The following AP3B2 variants were observed in gnomAD, a reference collection of about 807,000 sequenced individuals.
AP3B2 encodes the protein adaptor related protein complex 3 subunit beta 2, also known as AP-3 complex subunit beta-2.
In AP3B2, 50 loss-of-function variants were observed where a neutral mutation model predicts 126.9. That is an observed-to-expected ratio of 0.39 (90% CI 0.31 to 0.50). The LOEUF (loss-of-function observed/expected upper bound fraction) is 0.50, where lower values mean the gene tolerates loss of function less well. Among genes scored for constraint, AP3B2 ranks in the 20% least tolerant of loss-of-function variants. The pLI is 0.79. For synonymous variants in AP3B2, 541 were observed against 565.0 expected (o/e 0.96, Z 0.60); for missense variants, 1,177 against 1,426.4 (o/e 0.83, Z 2.82).
In AP3B2 at chr15:82,689,702, G is replaced by A. The variant is rs138112885; in HGVS notation, c.114-249C>T. 5.1e-4 allele frequency: 263 copies of A among 518,588 alleles called. 2 individuals are homozygous for A. In the East Asian group the frequency reaches 7.7e-3, roughly 15 times the overall value. The allele number at this position is 518,588 out of a possible 1,614,324, so 32.1% of individuals were successfully genotyped here. A position where few individuals can be genotyped will look rare whatever the true frequency, so the allele number is the denominator to read the frequency against. On this transcript the variant is annotated intron_variant, in intron 1 of 26. Transcript: ENST00000535359. ...TTAAGTCTTAACCCCTAGTACCTCA[G>A]AATGTAACCTTATTTGGAAATAGAG...
intron 4 of AP3B2, chr15:82,685,686 T>A (rs554108234): frequency 6.6e-6 from 1 of 152,304 alleles, no homozygotes; most frequent in Admixed American, 6.5e-5. Context: ...TCAAAAAAAA[T>A]GTGTTTTCCT....
At chr15:82,661,431 C>G (rs11630643) in intron 25 of AP3B2, among the ~76,000 whole-genome samples, 3,280 of 152,328 alleles carry the variant, frequency 0.022, 61 homozygotes, top group Non-Finnish European at 0.035. Flanking sequence ...CCAAATCCAG[C>G]CCACCACCTA....
At chr15:82,668,124 A>G (rs1232693586) in intron 14 of AP3B2, among the ~76,000 whole-genome samples, 1 of 152,246 alleles carries the variant, frequency 6.6e-6, no homozygotes, top group Non-Finnish European at 1.5e-5. Context: ...AAAGCCCCTC[A>G]GATGCTGACC....
intron 1 of AP3B2, chr15:82,699,869 G>A (rs1469870332): frequency 1.5e-5 from 6 of 399,638 alleles, no homozygotes; most frequent in South Asian, 1.3e-4. Flanking sequence ...TGCAGGAATC[G>A]CTGCATCAGG....
At chr15:82,675,169 T>C (rs115050135) in intron 14 of AP3B2, among the ~76,000 whole-genome samples, 2 of 152,294 alleles carry the variant, frequency 1.3e-5, no homozygotes, top group African/African-American at 4.8e-5. Context: ...CTCTAACTTC[T>C]CTCTCTCCAA....
Position 82,670,112 on chromosome 15 carries a change from T to TGGGG in AP3B2, c.1666-3180_1666-3179insCCCC, listed in dbSNP as rs1465209530. On this transcript the variant is annotated intron_variant, in intron 14 of 26. Coordinates refer to ENST00000535359, the MANE Select transcript of AP3B2 (RefSeq NM_001278512.2). ...AAAAAATCAGTGGCTTTTTTTTTTT[T>TGGGG]GGCGGGGGGGGACGAAGATGAAGTC... 2.1e-3 allele frequency among the ~76,000 whole-genome samples: 147 copies of TGGGG among 68,712 alleles called. 10 individuals are homozygous for TGGGG. The highest frequency in any genetic ancestry group is 2.9e-3 in the Non-Finnish European group (97 of 33,346). 45.1% of individuals were successfully genotyped at this position (68,712 alleles called of 152,430 possible).
At chr15:82,704,388 A>T in intron 1 of AP3B2, among the ~76,000 whole-genome samples, 1 of 152,190 alleles carries the variant, frequency 6.6e-6, no homozygotes, top group Admixed American at 6.5e-5. Context: ...CCAAGTAGCA[A>T]TGTATTTCTG....
intron 23 of AP3B2, 168 bp downstream of exon 23, chr15:82,662,526 C>T (rs2047969435): frequency 2.7e-6 from 2 of 747,324 alleles, no homozygotes; most frequent in Non-Finnish European, 4.3e-6. Flanking sequence ...TGTGAACTTG[C>T]TTATTTCATC....
At position 82,664,906 on chromosome 15, in the gene AP3B2, C is replaced by G. The variant is rs778950470; in HGVS notation, c.2066G>C (p.Arg689Thr). ...GTAGAAGGGTTTTTCCTTCTCCTTT[C>G]TCTTCTCCCGATTTGAGCACTTGGT... ...EWTKCSNREK[R>T]KEKEKPFYSD... The change falls in exon 18 of 27, where the codon AGA becomes ACA. Residue 689 changes from arginine to threonine, a missense_variant. This residue lies in a region of AP3B2 where 587 missense variants were observed against 571.3 expected (regional missense o/e 1.03). Transcript: ENST00000535359. The surrounding 1 kb of genome is among the most constrained non-coding windows in gnomAD (Gnocchi z 4.5). The G allele has an allele frequency of 3.1e-6, 5 of 1,609,002 alleles. No individual in the cohort carries two copies. Among genetic ancestry groups the G allele is most frequent in the Non-Finnish European group, 4.2e-6 (5 of 1,177,806 alleles).
In AP3B2 at chr15:82,703,017, C is replaced by T. The variant is rs866594118; in HGVS notation, c.113+6577G>A. Among the ~76,000 whole-genome samples, 34 of 152,294 alleles carry T rather than the reference C, an allele frequency of 2.2e-4. No individual in the cohort carries two copies. The Middle Eastern group carries it at 0.01, about 46-fold the overall frequency. ...TCTTGGTGCCATCTTTCAATCTCTCCCTTCTCTTAATTTCGGTTCCTTTCC... is the reference window on the plus strand; with the variant it reads ...TCTTGGTGCCATCTTTCAATCTCTCTCTTCTCTTAATTTCGGTTCCTTTCC... On this transcript the variant is annotated intron_variant, in intron 1 of 26. Transcript: ENST00000535359.
chr15:82,674,916 G>A (rs2048219357), intron 14 of AP3B2, among the ~76,000 whole-genome samples: 1 of 151,900 alleles, frequency 6.6e-6, no homozygotes, highest in African/African-American at 2.4e-5. Context: ...CATGTGGACA[G>A]GCCCAGGCTT....
At position 82,666,231 on chromosome 15, in the gene AP3B2, G is replaced by A. The variant is rs1049873831; in HGVS notation, c.1852+516C>T. Among the ~76,000 whole-genome samples, 27 of 152,328 alleles carry A rather than the reference G, an allele frequency of 1.8e-4. 1 individual carries two copies. The highest frequency in any genetic ancestry group is 1.4e-3 in the East Asian group (7 of 5,182). Reference sequence around the variant, plus strand: ...TCCCTCCCAGGCCCATCTCAAGGCCGTTGTCTTGGGAAAAGAGGCCTTAAG... The same window carrying A: ...TCCCTCCCAGGCCCATCTCAAGGCCATTGTCTTGGGAAAAGAGGCCTTAAG... On this transcript the variant is annotated intron_variant, in intron 15 of 26. Coordinates refer to ENST00000535359, the MANE Select transcript of AP3B2 (RefSeq NM_001278512.2).
intron 11 of AP3B2, 77 bp downstream of exon 11, chr15:82,678,027 GA>G (rs2048273184): frequency 6.6e-7 from 1 of 1,519,498 alleles, no homozygotes; most frequent in South Asian, 1.2e-5. Context: ...GGGCTCATAA[GA>G]GGAGGTTTAC....
chr15:82,692,374 C>T lies in AP3B2; in HGVS notation c.114-2921G>A, dbSNP rs1303329435. The T allele has an allele frequency of 9.7e-6, 5 of 514,010 alleles. No homozygotes were observed. The East Asian group carries it at 1.5e-4, about 15-fold the overall frequency. The allele number at this position is 514,010 out of a possible 1,614,324, so 31.8% of individuals were successfully genotyped here. A position where few individuals can be genotyped will look rare whatever the true frequency, so the allele number is the denominator to read the frequency against. ...AGCCCAACATCGGCACCTCCCAACG[C>T]CCCCTCCCCGCAATCCCCCCGCAGC... is the stretch of plus-strand genomic sequence containing the variant. On this transcript the variant is annotated intron_variant, in intron 1 of 26. Transcript: ENST00000535359.
At position 82,665,384 on chromosome 15, in the gene AP3B2, C is replaced by CACACACACAT. The variant is rs2048035646; in HGVS notation, c.1971+72_1971+73insATGTGTGTGT. On this transcript the variant is annotated intron_variant, in intron 16 of 26. Coordinates refer to ENST00000535359, the MANE Select transcript of AP3B2 (RefSeq NM_001278512.2). This position sits in a 1 kb window ranked among gnomAD's most constrained non-coding sequence, Gnocchi z 4.4. ...TACTGTCTGCCCCCACCAACACACA[C>CACACACACAT]ACACACACACACACACACACACACA... is the stretch of plus-strand genomic sequence containing the variant. 1.4e-4 allele frequency: 14 copies of CACACACACAT among 98,864 alleles called. No individual in the cohort carries two copies. The highest frequency in any genetic ancestry group is 6.9e-4 in the African/African-American group (9 of 12,970). The allele number at this position is 98,864 out of a possible 1,614,324, so 6.1% of individuals were successfully genotyped here. A position where few individuals can be genotyped will look rare whatever the true frequency, so the allele number is the denominator to read the frequency against.
chr15:82,698,550 C>T (rs1330685707), intron 1 of AP3B2, among the ~76,000 whole-genome samples: 1 of 152,002 alleles, frequency 6.6e-6, no homozygotes, highest in African/African-American at 2.4e-5. Flanking sequence ...CAAACTTGGC[C>T]TCTCCAGTCT....
At chr15:82,663,679 G>T in intron 20 of AP3B2, 59 bp from the exon 21 acceptor site, 10 of 1,612,126 alleles carry the variant, frequency 6.2e-6, no homozygotes, top group Non-Finnish European at 8.5e-6. Context: ...CATGTTCTGG[G>T]TTGGGTAGAA....
chr15:82,688,734 A>G lies in AP3B2; in HGVS notation c.360+2T>C. The G allele has an allele frequency of 6.2e-7, 1 of 1,609,790 alleles. No homozygotes were observed. Among genetic ancestry groups the G allele is most frequent in the Non-Finnish European group, 8.5e-7 (1 of 1,178,182 alleles). On this transcript the variant is annotated splice_donor_variant, in intron 4 of 26. Coordinates refer to ENST00000535359, the MANE Select transcript of AP3B2 (RefSeq NM_001278512.2). LOFTEE classifies it high-confidence loss of function. ...CCTGGGAGGCAAACTGAGACCCCTG[A>G]CCTTTAGGCCACGTTGGAAGGTGGA...
Position 82,680,563 on chromosome 15 carries a change from T to C in AP3B2, c.964A>G (p.Met322Val). 6.3e-7 allele frequency: 1 copy of C among 1,579,334 alleles called. No homozygotes were observed. The highest frequency in any genetic ancestry group is 8.5e-7 in the Non-Finnish European group (1 of 1,169,996). The change falls in exon 8 of 27, where the codon ATG (methionine) becomes GTG (valine). Residue 322 changes from methionine (M) to valine (V), a missense_variant. Coordinates refer to ENST00000535359, the MANE Select transcript of AP3B2 (RefSeq NM_001278512.2). This position sits in a 1 kb window ranked among gnomAD's most constrained non-coding sequence, Gnocchi z 6.1. ...LLQSRSAAVV[M>V]AVAQLYFHLA... ...TGGAAGTAGAGCTGCGCCACCGCCA[T>C]CACCACCGCGGCGCTGCGGCTCTGC...
Sources: gnomAD v4.1 joint callset for allele counts (sites outside exome capture counted in the v4.1 genomes callset) on GRCh38, gnomAD v4.1.1 for gene constraint, gnomAD v4.1.1 regional missense constraint, Gnocchi (gnomAD v3.1) non-coding constraint, MANE v1.5 for transcripts, NCBI Gene and HGNC (gene_info 2026-07-23, HGNC 2026-07-21) for gene names.